Variants in CGGBP1 observed in about 807,000 individuals in gnomAD.
CGGBP1 encodes the protein CGG triplet repeat-binding protein 1.
In CGGBP1, 4 loss-of-function variants were observed where a neutral mutation model predicts 11.4. The ratio of observed to expected loss-of-function variants is 0.35; its 90% confidence interval spans 0.17 to 0.80. CGGBP1 has a LOEUF of 0.80. Ranked by LOEUF, CGGBP1 falls within the 30% of genes least tolerant of loss-of-function variation. CGGBP1 has a pLI of 0.52. For missense variants in CGGBP1, 135 were observed against 202.1 expected (o/e 0.67, Z 2.01); for synonymous variants, 76 against 74.1 (o/e 1.03, Z -0.13).
intron 2 of CGGBP1, among the ~76,000 whole-genome samples, chr3:88,133,371 T>C (rs1264817117): frequency 2.0e-5 from 3 of 152,134 alleles, no homozygotes; most frequent in Admixed American, 6.6e-5. Context: ...CAATGTGTCA[T>C]TGTGTATACT....
chr3:88,057,124 G>C (rs529062180), intron 3 of CGGBP1, 67 bp downstream of exon 3: 16 of 152,266 alleles, frequency 1.1e-4, no homozygotes, highest in African/African-American at 3.6e-4. Context: ...ATAATTCTAA[G>C]TGTGCTCTGA....
chr3:88,097,411 T>C (rs1704128289), intron 2 of CGGBP1, among the ~76,000 whole-genome samples: 1 of 151,950 alleles, frequency 6.6e-6, no homozygotes, highest in African/African-American at 2.4e-5. Flanking sequence ...CTGTCAATAT[T>C]AGACAGATCA....
At chr3:88,060,222 C>T (rs756349393), upstream of CGGBP1, among the ~76,000 whole-genome samples, 2 of 151,972 alleles carry the variant, frequency 1.3e-5, no homozygotes, top group Non-Finnish European at 2.9e-5. Context: ...ACATCACCAA[C>T]CCCCCTCATC....
intron 2 of CGGBP1, 149 bp downstream of exon 2, chr3:88,057,870 G>A (rs1382248730): frequency 1.3e-5 from 2 of 152,176 alleles, no homozygotes; most frequent in Non-Finnish European, 2.9e-5. Context: ...TTACATACCC[G>A]AAGAACAAAA....
At chr3:88,143,349 T>G (rs1707216669) in intron 1 of CGGBP1, 2 of 152,274 alleles carry the variant, frequency 1.3e-5, no homozygotes, top group Non-Finnish European at 3.0e-5. Flanking sequence ...GGCTGTGGAA[T>G]TTACATTTAG....
chr3:88,128,204 T>C (rs1230373891), intron 2 of CGGBP1, among the ~76,000 whole-genome samples: 2 of 152,124 alleles, frequency 1.3e-5, no homozygotes, highest in Non-Finnish European at 2.9e-5. Context: ...GTTTATATAT[T>C]TTAAAATTGT....
At chr3:88,128,015 C>T (rs901227413) in intron 2 of CGGBP1, among the ~76,000 whole-genome samples, 2 of 152,118 alleles carry the variant, frequency 1.3e-5, no homozygotes, top group African/African-American at 4.8e-5. Context: ...AATTAAAATA[C>T]TTCTGGATTC....
chr3:88,086,232 A>C, intron 2 of CGGBP1: 1 of 1,519,322 alleles, frequency 6.6e-7, no homozygotes, highest in Non-Finnish European at 8.8e-7. Context: ...TTTCTATAGT[A>C]ATGTCTGGAT....
intron 2 of CGGBP1, among the ~76,000 whole-genome samples, chr3:88,087,240 G>A (rs375108612): frequency 1.3e-4 from 20 of 151,656 alleles, no homozygotes; most frequent in African/African-American, 4.6e-4. Flanking sequence ...ACCATGCCTG[G>A]ATAATTTTTG....
chr3:88,130,484 C>T (rs1487461410), intron 2 of CGGBP1, among the ~76,000 whole-genome samples: 1 of 152,060 alleles, frequency 6.6e-6, no homozygotes, highest in African/African-American at 2.4e-5. Flanking sequence ...CAGGGTTTCA[C>T]TGTGTCTCTC....
chr3:88,060,366 AC>A (rs1706798940), upstream of CGGBP1, among the ~76,000 whole-genome samples: 1 of 152,108 alleles, frequency 6.6e-6, no homozygotes, highest in Admixed American at 6.5e-5. Context: ...TAACAAATAT[AC>A]CCCTACTTTT....
chr3:88,103,159 C>G (rs1239976749), intron 2 of CGGBP1, among the ~76,000 whole-genome samples: 1 of 152,024 alleles, frequency 6.6e-6, no homozygotes, highest in African/African-American at 2.4e-5. Context: ...CCAGAAATTA[C>G]AGACACATTT....
chr3:88,130,895 T>G lies in CGGBP1; in HGVS notation c.-229+10075A>C, dbSNP rs532859788. Among the ~76,000 whole-genome samples the G allele has an allele frequency of 2.6e-5, 4 of 152,282 alleles. No individual in the cohort carries two copies. The South Asian group carries it at 8.3e-4, about 32-fold the overall frequency. On this transcript the variant is annotated intron_variant, in intron 2 of 3. Transcript: ENST00000462901. ...TATACCTTTAGTTAGATTATGCTAA[T>G]TTTTATTTAAAATTATACCATGTAA...
At chr3:88,072,039 A>G (rs1707545448) in intron 2 of CGGBP1, among the ~76,000 whole-genome samples, 1 of 152,208 alleles carries the variant, frequency 6.6e-6, no homozygotes, top group East Asian at 1.9e-4. Context: ...ATAAATCTAC[A>G]TATATAAAGT....
At chr3:88,142,184 T>A (rs556618549) in intron 1 of CGGBP1, 1 of 152,386 alleles carries the variant, frequency 6.6e-6, no homozygotes, top group African/African-American at 2.4e-5. Flanking sequence ...TAGAAACTTA[T>A]ACATTAACTT....
chr3:88,097,127 AT>A (rs1471879767), intron 2 of CGGBP1, among the ~76,000 whole-genome samples: 1 of 152,088 alleles, frequency 6.6e-6, no homozygotes, highest in Non-Finnish European at 1.5e-5. Flanking sequence ...CCTTTAATGA[AT>A]TACCATGTAT....
Position 88,057,285 on chromosome 3 carries a change from C to A in CGGBP1, c.-118G>T, listed in dbSNP as rs1191054011. 2 of 151,732 alleles carry A rather than the reference C, an allele frequency of 1.3e-5. No individual in the cohort carries two copies. The highest frequency in any genetic ancestry group is 1.5e-5 in the Non-Finnish European group (1 of 67,984). The allele number at this position is 151,732 out of a possible 1,614,324, so 9.4% of individuals were successfully genotyped here. ...TGGATCCAGAAGATTAAACATTCCA[C>A]AGAAATTCTGAAAAGTACGATAAAG... On this transcript the variant is annotated 5_prime_UTR_variant, in exon 3 of 4. Transcript: ENST00000482016.
At position 88,088,353 on chromosome 3, in the gene CGGBP1, T is replaced by A. The variant is rs1708443584; in HGVS notation, c.-228-30130A>T. Among the ~76,000 whole-genome samples the A allele has an allele frequency of 2.0e-5, 3 of 152,130 alleles. No individual in the cohort carries two copies. In the East Asian group the frequency reaches 5.8e-4, roughly 29 times the overall value. ...AAAAATGCAATGAAAAAGTGAAAAA[T>A]AATTTTGAAAGAAAGTGTTAATGTT... On this transcript the variant is annotated intron_variant, in intron 2 of 3. Coordinates refer to the CGGBP1 transcript ENST00000462901.
intron 2 of CGGBP1, among the ~76,000 whole-genome samples, chr3:88,081,081 C>G (rs1461706507): frequency 6.6e-6 from 1 of 152,038 alleles, no homozygotes; most frequent in East Asian, 1.9e-4. Context: ...GAGCACTGAT[C>G]AGTTATTAAT....
Sources: allele counts gnomAD v4.1 joint callset (sites outside exome capture counted in the v4.1 genomes callset), GRCh38; gene constraint gnomAD v4.1.1; transcripts MANE v1.5; gene names NCBI Gene and HGNC (gene_info 2026-07-23, HGNC 2026-07-21).